CSMD2: variants seen among roughly 807,000 people sequenced by gnomAD.
CSMD2 encodes CUB and sushi domain-containing protein 2.
In CSMD2, 130 loss-of-function variants were observed where a neutral mutation model predicts 398.5. The ratio of observed to expected loss-of-function variants is 0.33; its 90% CI spans 0.28 to 0.38. The LOEUF is 0.38. CSMD2 is among the 10% of genes least tolerant of loss of function. The pLI is 1.00. For synonymous variants in CSMD2, 1,828 were observed against 1,908.5 expected (o/e 0.96, Z 1.10); for missense variants, 3,829 against 4,764.9 (o/e 0.80, Z 5.78).
chr1:34,039,743 G>A (rs1651611320), intron 2 of CSMD2, among the ~76,000 whole-genome samples: 1 of 152,174 alleles, frequency 6.6e-6, no homozygotes, highest in East Asian at 1.9e-4. Flanking sequence ...GTTTAGGATT[G>A]CCTAGTTTGA....
chr1:33,732,013 T>G (rs1052333701), intron 15 of CSMD2, among the ~76,000 whole-genome samples: 1 of 152,198 alleles, frequency 6.6e-6, no homozygotes, highest in Non-Finnish European at 1.5e-5. Context: ...GATAGGTACA[T>G]GTGGGTTCAT....
intron 3 of CSMD2, among the ~76,000 whole-genome samples, chr1:33,998,149 C>A (rs181730132): frequency 1.3e-3 from 195 of 152,166 alleles, no homozygotes; most frequent in Middle Eastern, 0.01. Context: ...GATTAATAGG[C>A]AAGCATGGGA....
chr1:34,157,546 C>T (rs1473515677), intron 1 of CSMD2, among the ~76,000 whole-genome samples: 3 of 151,836 alleles, frequency 2.0e-5, no homozygotes, highest in Non-Finnish European at 4.4e-5. Context: ...CTACTCGACC[C>T]CAACTCCACC....
intron 22 of CSMD2, among the ~76,000 whole-genome samples, chr1:33,707,080 C>T (rs895369484): frequency 1.3e-5 from 2 of 152,108 alleles, no homozygotes; most frequent in African/African-American, 4.8e-5. Flanking sequence ...CTGACGGTGC[C>T]GTTGAGTGTG....
At chr1:33,963,600 T>C (rs577485688) in intron 3 of CSMD2, among the ~76,000 whole-genome samples, 1 of 152,270 alleles carries the variant, frequency 6.6e-6, no homozygotes, top group East Asian at 1.9e-4. Flanking sequence ...CAACAACTGA[T>C]CTGCTTTCCC....
intron 28 of CSMD2, among the ~76,000 whole-genome samples, chr1:33,648,643 C>A (rs897157671): frequency 2.0e-5 from 3 of 152,124 alleles, no homozygotes; most frequent in Non-Finnish European, 4.4e-5. Flanking sequence ...ACATCTGCTT[C>A]TTAGGAGTTT....
intron 3 of CSMD2, among the ~76,000 whole-genome samples, chr1:33,954,601 G>A (rs1187824922): frequency 2.6e-5 from 4 of 152,126 alleles, no homozygotes. Flanking sequence ...TGGTACATCC[G>A]AACGACGGAA....
chr1:33,643,942 G>C (rs925922215), intron 29 of CSMD2, among the ~76,000 whole-genome samples: 4 of 151,184 alleles, frequency 2.6e-5, no homozygotes, highest in Admixed American at 2.0e-4. Context: ...AGGAACAAAT[G>C]AAATAATGAA....
At chr1:33,542,147 C>G (rs1214454133) in intron 58 of CSMD2, among the ~76,000 whole-genome samples, 1 of 152,170 alleles carries the variant, frequency 6.6e-6, no homozygotes, top group Non-Finnish European at 1.5e-5. Flanking sequence ...CCTATCTCTT[C>G]CCTCCATCTG....
chr1:33,524,801 T>C (rs971378066), intron 66 of CSMD2, 81 bp downstream of exon 66: 12 of 1,410,484 alleles, frequency 8.5e-6, no homozygotes, highest in Non-Finnish European at 1.2e-5. Context: ...GACAGTATGA[T>C]GCAATGCCAT....
At chr1:33,697,547 C>G (rs892809738) in intron 24 of CSMD2, among the ~76,000 whole-genome samples, 4 of 152,176 alleles carry the variant, frequency 2.6e-5, no homozygotes, top group Admixed American at 1.3e-4. Flanking sequence ...GCATCTGTGG[C>G]CTTTAACACT....
intron 3 of CSMD2, among the ~76,000 whole-genome samples, chr1:33,969,887 G>A (rs1002088154): frequency 7.9e-5 from 12 of 151,894 alleles, no homozygotes; most frequent in South Asian, 4.2e-4. Context: ...CCAGGTGGGC[G>A]GATCACCTGA....
intron 55 of CSMD2, among the ~76,000 whole-genome samples, chr1:33,555,237 A>G (rs1489118571): frequency 6.6e-6 from 1 of 152,208 alleles, no homozygotes; most frequent in Admixed American, 6.5e-5. Context: ...TGGTAAAAGT[A>G]GCAAGAGAAC....
At chr1:33,955,324 T>C (rs1570618696) in intron 3 of CSMD2, among the ~76,000 whole-genome samples, 1 of 152,110 alleles carries the variant, frequency 6.6e-6, no homozygotes, top group South Asian at 2.1e-4. Flanking sequence ...GCAAACGCGG[T>C]GTCAGCTTCC....
At chr1:33,665,716 C>A (rs1644287955) in intron 25 of CSMD2, among the ~76,000 whole-genome samples, 1 of 152,074 alleles carries the variant, frequency 6.6e-6, no homozygotes. Flanking sequence ...GTGTGAGCCA[C>A]TGCACCTGGC....
chr1:33,725,718 T>A (rs1646508076), intron 16 of CSMD2, among the ~76,000 whole-genome samples, 182 bp from the exon 17 acceptor site: 5 of 152,030 alleles, frequency 3.3e-5, no homozygotes, highest in Admixed American at 2.6e-4. Context: ...CTATTTAACA[T>A]CCCTCCTCCT....
In CSMD2 at chr1:34,163,731, G is replaced by T. The variant is rs902189023; in HGVS notation, c.187+1180C>A. Among the ~76,000 whole-genome samples, 8 of 152,284 alleles carry T rather than the reference G, an allele frequency of 5.3e-5. No homozygotes were observed. In the East Asian group the frequency reaches 1.4e-3, roughly 26 times the overall value. ...CCCTAGGTCTAGGCCTGGCCAGCAGGTGTTTCGGTTTCTCCCCCAGTGGGT... is the reference window on the plus strand; with the variant it reads ...CCCTAGGTCTAGGCCTGGCCAGCAGTTGTTTCGGTTTCTCCCCCAGTGGGT... On this transcript the variant is annotated intron_variant, in intron 1 of 70. Transcript: ENST00000373381. The surrounding 1 kb of genome is among the most constrained non-coding windows in gnomAD (Gnocchi z 5.4).
At chr1:33,726,115 G>A (rs1646520607) in intron 16 of CSMD2, among the ~76,000 whole-genome samples, 1 of 152,270 alleles carries the variant, frequency 6.6e-6, no homozygotes, top group East Asian at 1.9e-4. Context: ...CACCCAAGGG[G>A]CATAGCCAGG....
At chr1:33,828,884 G>T (rs1323064226) in intron 6 of CSMD2, among the ~76,000 whole-genome samples, 1 of 152,216 alleles carries the variant, frequency 6.6e-6, no homozygotes, top group African/African-American at 2.4e-5. Context: ...GCAAGCTTGA[G>T]CTAACTTCTG....
Sources: allele counts gnomAD v4.1 joint callset (sites outside exome capture counted in the v4.1 genomes callset), GRCh38; gene constraint gnomAD v4.1.1; non-coding constraint Gnocchi (gnomAD v3.1); transcripts MANE v1.5; gene names NCBI Gene and HGNC (gene_info 2026-07-23, HGNC 2026-07-21).